The following KAZN variants were observed in gnomAD, a reference collection of about 807,000 sequenced individuals.
KAZN encodes the protein kazrin.
Under a neutral mutation model 87.4 loss-of-function variants are expected in KAZN, and 40 were observed. The ratio of observed to expected loss-of-function variants is 0.46; its 90% CI spans 0.36 to 0.60. The LOEUF (loss-of-function observed/expected upper bound fraction) is 0.60. Among genes scored for constraint, KAZN ranks in the 20% least tolerant of loss-of-function variants. The pLI is 0.00. For synonymous variants in KAZN, 466 were observed against 458.3 expected, an observed-to-expected ratio of 1.02 and a Z score of -0.22; for missense variants, 898 against 1,073.9, an observed-to-expected ratio of 0.84 and a Z score of 2.29.
rs1431311460 is a variant in KAZN, at chr1:14,657,996, A to C, written c.226+58773A>C. Among the ~76,000 whole-genome samples the C allele has an allele frequency of 2.6e-5, 4 of 152,170 alleles. No individual in the cohort carries two copies. The East Asian group carries it at 5.8e-4, about 22-fold the overall frequency. ...CTTGAGACCAAGGCGTGGAGTCCAT[A>C]GGCACATGGCAGTGCAGGCACCTGG... On this transcript the variant is annotated intron_variant, in intron 1 of 14. Coordinates refer to ENST00000376030, the MANE Select transcript of KAZN (RefSeq NM_201628.3).
intron 1 of KAZN, among the ~76,000 whole-genome samples, chr1:14,912,495 C>T (rs1414597043): frequency 6.6e-6 from 1 of 152,136 alleles, no homozygotes; most frequent in African/African-American, 2.4e-5. Flanking sequence ...TCCCTCCCAC[C>T]TCAGCCTCCC....
At chr1:14,125,046 T>C (rs1290439457) in intron 1 of KAZN, among the ~76,000 whole-genome samples, 1 of 152,054 alleles carries the variant, frequency 6.6e-6, no homozygotes, top group East Asian at 1.9e-4. Flanking sequence ...CAAGATCGGA[T>C]CATCCACGGG....
chr1:14,115,242 TG>T (rs1471611205), intron 1 of KAZN, among the ~76,000 whole-genome samples: 1 of 152,236 alleles, frequency 6.6e-6, no homozygotes, highest in African/African-American at 2.4e-5. Context: ...TCACTTCTTA[TG>T]CAGCCACAAA....
chr1:14,147,744 C>T (rs112715353), intron 1 of KAZN, among the ~76,000 whole-genome samples: 4 of 151,018 alleles, frequency 2.6e-5, no homozygotes, highest in Non-Finnish European at 4.4e-5. Flanking sequence ...TGCAGTGAGC[C>T]GAGATCGCGC....
chr1:14,794,557 T>A (rs778330513), intron 1 of KAZN, among the ~76,000 whole-genome samples: 15 of 152,186 alleles, frequency 9.9e-5, no homozygotes, highest in Non-Finnish European at 1.9e-4. Context: ...GAGGCTGGTG[T>A]GTGGTGTTTG....
intron 2 of KAZN, chr1:14,221,986 G>A (rs866725749): frequency 1.8e-4 from 28 of 152,206 alleles, no homozygotes; most frequent in African/African-American, 6.3e-4. Flanking sequence ...GATGTTTGGG[G>A]TTTCTTTTGA....
chr1:14,888,853 T>C (rs1339363542), intron 1 of KAZN, among the ~76,000 whole-genome samples: 1 of 152,192 alleles, frequency 6.6e-6, no homozygotes, highest in African/African-American at 2.4e-5. Flanking sequence ...ATCAGAAGCC[T>C]ATATCTAGGA....
chr1:13,906,035 C>G (rs115768348), intron 1 of KAZN, among the ~76,000 whole-genome samples: 5 of 152,108 alleles, frequency 3.3e-5, no homozygotes, highest in African/African-American at 7.2e-5. Context: ...CTTCTAAGGA[C>G]GCTTGTGATG....
chr1:15,054,107 C>T (rs929144974), intron 4 of KAZN, among the ~76,000 whole-genome samples: 2 of 152,010 alleles, frequency 1.3e-5, no homozygotes, highest in African/African-American at 2.4e-5. Context: ...TTGGTGGGAC[C>T]CTTTCTCAAG....
At chr1:14,854,700 C>A (rs1649866106) in intron 1 of KAZN, among the ~76,000 whole-genome samples, 1 of 152,026 alleles carries the variant, frequency 6.6e-6, no homozygotes, top group East Asian at 1.9e-4. Flanking sequence ...ACCTCCATGA[C>A]CCAAACATCT....
intron 1 of KAZN, among the ~76,000 whole-genome samples, chr1:14,862,861 T>A (rs567360073): frequency 1.3e-4 from 20 of 152,342 alleles, no homozygotes; most frequent in Admixed American, 1.2e-3. Flanking sequence ...TAGCTATCGA[T>A]GACTAGTGTC....
intron 2 of KAZN, among the ~76,000 whole-genome samples, chr1:14,434,235 G>A (rs1233259035): frequency 6.6e-6 from 1 of 152,088 alleles, no homozygotes; most frequent in Non-Finnish European, 1.5e-5. Context: ...AAAAAATCCT[G>A]TTATGAGGAA....
intron 1 of KAZN, among the ~76,000 whole-genome samples, chr1:14,051,176 A>C (rs1263670774): frequency 6.6e-6 from 1 of 152,220 alleles, no homozygotes; most frequent in Non-Finnish European, 1.5e-5. Context: ...AACTGACTTC[A>C]AAATATTCTT....
chr1:14,697,808 A>G (rs753637810), intron 1 of KAZN, among the ~76,000 whole-genome samples: 1 of 152,250 alleles, frequency 6.6e-6, no homozygotes, highest in South Asian at 2.1e-4. Context: ...CCACTGCCCT[A>G]TGACTGTGGC....
intron 2 of KAZN, among the ~76,000 whole-genome samples, chr1:14,269,149 G>A (rs1461323366): frequency 6.6e-6 from 1 of 152,162 alleles, no homozygotes; most frequent in Non-Finnish European, 1.5e-5. Flanking sequence ...TTGCCCCCAA[G>A]GGGGTGAAAA....
At chr1:14,371,266 C>T (rs769712131) in intron 2 of KAZN, among the ~76,000 whole-genome samples, 1 of 152,192 alleles carries the variant, frequency 6.6e-6, no homozygotes, top group African/African-American at 2.4e-5. Context: ...AGAGCTATTG[C>T]TTTTCATGCC....
At chr1:14,138,810 G>C (rs1421142686) in intron 1 of KAZN, among the ~76,000 whole-genome samples, 2 of 152,180 alleles carry the variant, frequency 1.3e-5, no homozygotes, top group Admixed American at 6.5e-5. Context: ...AATGGGCAAG[G>C]CTGTGTGTTT....
intron 1 of KAZN, among the ~76,000 whole-genome samples, chr1:14,754,229 A>G (rs1327796377): frequency 6.6e-6 from 1 of 152,230 alleles, no homozygotes; most frequent in East Asian, 1.9e-4. Context: ...TGGGAGAAAG[A>G]CAATGATTTA....
At chr1:14,932,482 G>A (rs1304252533) in intron 1 of KAZN, among the ~76,000 whole-genome samples, 2 of 152,194 alleles carry the variant, frequency 1.3e-5, no homozygotes, top group Non-Finnish European at 2.9e-5. Flanking sequence ...CCCCTGCATG[G>A]TAGCCCCTGG....
Sources: gnomAD v4.1 joint callset for allele counts (sites outside exome capture counted in the v4.1 genomes callset) on GRCh38, gnomAD v4.1.1 for gene constraint, MANE v1.5 for transcripts, NCBI Gene and HGNC (gene_info 2026-07-23, HGNC 2026-07-21) for gene names.